CLASP1: variants seen among roughly 807,000 people sequenced by gnomAD.
The protein encoded by CLASP1 is cytoplasmic linker associated protein 1.
In CLASP1, 38 loss-of-function variants were observed where a neutral mutation model predicts 192.3. That is an observed-to-expected ratio of 0.20 (90% CI 0.15 to 0.26). The LOEUF is 0.26. Ranked by LOEUF, CLASP1 falls within the 10% of genes least tolerant of loss-of-function variation. The pLI, the probability that CLASP1 is intolerant of heterozygous loss-of-function variation, is 1.00. For missense variants in CLASP1, 1,433 were observed against 1,932.5 expected, an observed-to-expected ratio of 0.74 and a Z score of 4.85; for synonymous variants, 691 against 712.8, an observed-to-expected ratio of 0.97 and a Z score of 0.49.
At chr2:121,429,791 C>T (rs6541775) in intron 20 of CLASP1, among the ~76,000 whole-genome samples, 36,052 of 152,112 alleles carry the variant, frequency 0.24, 6,547 homozygotes, top group African/African-American at 0.5. Flanking sequence ...AACAGATAAG[C>T]TACAATTTGA....
In CLASP1 at chr2:121,445,826, C is replaced by T. The variant is rs147415221; in HGVS notation, c.1912+1511G>A. ...GGGGGAAGTCTATACCAGCCATATT[C>T]AAACACTCCATAATACAGACAGAAA... On this transcript the variant is annotated intron_variant, in intron 19 of 39. Coordinates refer to ENST00000263710, the Ensembl canonical transcript of CLASP1. Among the ~76,000 whole-genome samples, 73 of 152,274 alleles carry T rather than the reference C, an allele frequency of 4.8e-4. 1 individual carries two copies. The East Asian group carries it at 0.012, about 26-fold the overall frequency.
chr2:121,426,467 C>G (rs542535745), intron 21 of CLASP1, among the ~76,000 whole-genome samples: 1 of 152,270 alleles, frequency 6.6e-6, no homozygotes, highest in Non-Finnish European at 1.5e-5. Flanking sequence ...TATTGAGAAA[C>G]TATATACCTC....
intron 14 of CLASP1, among the ~76,000 whole-genome samples, chr2:121,454,239 T>G (rs1215651447): frequency 6.6e-6 from 1 of 151,684 alleles, no homozygotes; most frequent in Non-Finnish European, 1.5e-5. Flanking sequence ...GTGACAAGGT[T>G]TAGATTAGGC....
chr2:121,375,331 C>T (rs2069798450), intron 34 of CLASP1, among the ~76,000 whole-genome samples: 2 of 151,642 alleles, frequency 1.3e-5, no homozygotes, highest in Admixed American at 1.3e-4. Flanking sequence ...GTCAACTAAA[C>T]CTCTTTTCTT....
chr2:121,585,513 C>CGGGGATATAT (rs2061617717), intron 2 of CLASP1, among the ~76,000 whole-genome samples: 1 of 152,032 alleles, frequency 6.6e-6, no homozygotes, highest in South Asian at 2.1e-4. Context: ...GCATCCCCTG[C>CGGGGATATAT]CCTAAACAGG....
chr2:121,459,086 G>A, intron 12 of CLASP1, 111 bp from the exon 13 acceptor site: 1 of 742,628 alleles, frequency 1.3e-6, no homozygotes, highest in Non-Finnish European at 2.0e-6. Flanking sequence ...AAAGGACAAG[G>A]GTCTGAGATT....
chr2:121,476,072 G>A (rs561007113), intron 8 of CLASP1, among the ~76,000 whole-genome samples: 1 of 152,232 alleles, frequency 6.6e-6, no homozygotes, highest in African/African-American at 2.4e-5. Context: ...CAAATAAGTA[G>A]ACATAATGAA....
intron 2 of CLASP1, among the ~76,000 whole-genome samples, chr2:121,536,125 T>G (rs2095061669): frequency 6.6e-6 from 1 of 151,010 alleles, no homozygotes; most frequent in African/African-American, 2.4e-5. Context: ...CTCACGCCTG[T>G]AATCCCAGCA....
chr2:121,466,764 A>G (rs1348780919), intron 9 of CLASP1, among the ~76,000 whole-genome samples: 1 of 152,250 alleles, frequency 6.6e-6, no homozygotes, highest in Non-Finnish European at 1.5e-5. Context: ...CTGGTCTCAC[A>G]AGGAACCATG....
intron 23 of CLASP1, among the ~76,000 whole-genome samples, chr2:121,412,521 C>T (rs1574490383): frequency 6.7e-6 from 1 of 148,914 alleles, no homozygotes; most frequent in Non-Finnish European, 1.5e-5. Flanking sequence ...TTATGAGTAA[C>T]AGAATGAAAG....
chr2:121,357,088 C>T (rs573615468), intron 37 of CLASP1, among the ~76,000 whole-genome samples: 11 of 152,286 alleles, frequency 7.2e-5, no homozygotes, highest in Admixed American at 2.6e-4. Flanking sequence ...CCTAGCCTAA[C>T]GCTGACAATG....
At chr2:121,500,466 G>A (rs940908746) in intron 8 of CLASP1, among the ~76,000 whole-genome samples, 8 of 148,158 alleles carry the variant, frequency 5.4e-5, no homozygotes, top group African/African-American at 1.5e-4. Flanking sequence ...AAGGAGGGAA[G>A]GAAGGAAGAA....
intron 22 of CLASP1, among the ~76,000 whole-genome samples, chr2:121,420,126 C>T (rs1473634942): frequency 8.4e-6 from 1 of 119,692 alleles, no homozygotes; most frequent in East Asian, 2.1e-4. Context: ...CTTACTACTG[C>T]TCAGGGAAAA....
Position 121,550,520 on chromosome 2 carries a change from G to T in CLASP1, c.196-20195C>A, listed in dbSNP as rs1226462878. ...AGCTAGACTAACAAAGAAGAAAAAA[G>T]GGAAGATCCAAATAAACACAATTAG... On this transcript the variant is annotated intron_variant, in intron 2 of 39. Transcript: ENST00000263710. 2.6e-5 allele frequency among the ~76,000 whole-genome samples: 4 copies of T among 151,982 alleles called. No homozygotes were observed. The South Asian group carries it at 8.3e-4, about 32-fold the overall frequency.
intron 6 of CLASP1, among the ~76,000 whole-genome samples, chr2:121,519,307 C>T (rs149186190): frequency 4.4e-4 from 67 of 152,284 alleles, no homozygotes; most frequent in African/African-American, 1.6e-3. Context: ...AACGCCTACA[C>T]AGGCCAGGCA....
At chr2:121,575,172 C>T (rs933638702) in intron 2 of CLASP1, among the ~76,000 whole-genome samples, 4 of 151,784 alleles carry the variant, frequency 2.6e-5, no homozygotes, top group Admixed American at 6.6e-5. Context: ...AGTGCAGTGG[C>T]GCGATCTCGG....
chr2:121,559,675 G>A (rs1023243070), intron 2 of CLASP1, among the ~76,000 whole-genome samples: 1 of 152,132 alleles, frequency 6.6e-6, no homozygotes, highest in African/African-American at 2.4e-5. Context: ...TTAGTTGGTT[G>A]CCAGAAGCTT....
intron 37 of CLASP1, among the ~76,000 whole-genome samples, chr2:121,350,268 G>T (rs1241658959): frequency 6.6e-6 from 1 of 152,236 alleles, no homozygotes; most frequent in Non-Finnish European, 1.5e-5. Context: ...CCCAGCCCTT[G>T]TGAGTGAAGC....
intron 12 of CLASP1, 27 bp downstream of exon 12, chr2:121,459,953 G>A: frequency 6.3e-7 from 1 of 1,583,246 alleles, no homozygotes; most frequent in Non-Finnish European, 8.6e-7. Context: ...ATTTTATGGT[G>A]AGAATATGGA....
Sources: gnomAD v4.1 joint callset for allele counts (sites outside exome capture counted in the v4.1 genomes callset) on GRCh38, gnomAD v4.1.1 for gene constraint, MANE v1.5 for transcripts, NCBI Gene and HGNC (gene_info 2026-07-23, HGNC 2026-07-21) for gene names.